CNTNAP2: variants seen among roughly 807,000 people sequenced by gnomAD.
CNTNAP2 encodes contactin associated protein 2.
A neutral mutation model predicts 155.2 loss-of-function variants in CNTNAP2; 98 were observed. The observed-to-expected ratio is 0.63, with a 90% confidence interval of 0.54 to 0.75. The LOEUF (loss-of-function observed/expected upper bound fraction) is 0.75, where lower values mean the gene tolerates loss of function less well. Ranked by LOEUF, CNTNAP2 falls within the 30% of genes least tolerant of loss-of-function variation. The pLI, the probability that CNTNAP2 is intolerant of heterozygous loss-of-function variation, is 0.00. For synonymous variants in CNTNAP2, 651 were observed against 631.2 expected (o/e 1.03, Z -0.47); for missense variants, 1,727 against 1,688.1 (o/e 1.02, Z -0.40).
At chr7:146,393,823 A>G (rs557825297) in intron 1 of CNTNAP2, among the ~76,000 whole-genome samples, 10 of 152,260 alleles carry the variant, frequency 6.6e-5, no homozygotes, top group African/African-American at 1.9e-4. Flanking sequence ...ATTAAATATA[A>G]TCATTTAAAG....
At chr7:146,932,298 A>G (rs1219381109) in intron 3 of CNTNAP2, among the ~76,000 whole-genome samples, 3 of 151,824 alleles carry the variant, frequency 2.0e-5, no homozygotes, top group Non-Finnish European at 2.9e-5. Context: ...AAATCAATAA[A>G]TGTAATCCAG....
intron 14 of CNTNAP2, among the ~76,000 whole-genome samples, chr7:147,926,824 A>G (rs1252563104): frequency 6.6e-6 from 1 of 152,210 alleles, no homozygotes; most frequent in Non-Finnish European, 1.5e-5. Context: ...TCAGGTGATA[A>G]TACAATGGAG....
In CNTNAP2 at chr7:148,288,968, A is replaced by AAG. The variant is rs1554412593; in HGVS notation, c.3475+21848_3475+21849dup. On this transcript the variant is annotated intron_variant, in intron 21 of 23. Coordinates refer to ENST00000361727, the MANE Select transcript of CNTNAP2 (RefSeq NM_014141.6). Reference sequence around the variant, plus strand: ...GCAAAAAAAAAAAAAAAAAAAAAAAAAGAGAGAAAAACCCACTTTGTATAT... The same window carrying AAG: ...GCAAAAAAAAAAAAAAAAAAAAAAAAAGAGAGAGAAAAACCCACTTTGTATAT... Among the ~76,000 whole-genome samples, 298 of 133,186 alleles carry AAG rather than the reference A, an allele frequency of 2.2e-3. 2 individuals carry two copies. Among genetic ancestry groups the AAG allele is most frequent in the Middle Eastern group, 7.7e-3 (2 of 260 alleles). The allele number at this position is 133,186 out of a possible 152,430, so 87.4% of individuals were successfully genotyped here. A position where few individuals can be genotyped will look rare whatever the true frequency, so the allele number is the denominator to read the frequency against.
rs569343030 is a variant in CNTNAP2 at position 147,641,334 on chromosome 7, G to T, written c.2098+2028G>T. Among the ~76,000 whole-genome samples, 189 of 152,192 alleles carry T rather than the reference G, an allele frequency of 1.2e-3. 1 individual carries two copies. The highest frequency in any genetic ancestry group is 2.0e-3 in the Non-Finnish European group (134 of 68,040). ...GACAGAGTACCCTCTAAGAAATAAG[G>T]TTGGAAAGGAGGGTGGGAGTAAACT... On this transcript the variant is annotated intron_variant, in intron 13 of 23. Transcript: ENST00000361727.
At chr7:146,948,939 G>A (rs1224396917) in intron 3 of CNTNAP2, among the ~76,000 whole-genome samples, 1 of 152,138 alleles carries the variant, frequency 6.6e-6, no homozygotes, top group African/African-American at 2.4e-5. Context: ...AACATTACTA[G>A]GCTTTAGGGG....
intron 13 of CNTNAP2, among the ~76,000 whole-genome samples, chr7:147,671,040 T>G (rs1347111090): frequency 6.6e-6 from 1 of 152,230 alleles, no homozygotes. Context: ...CCAAAAGCAC[T>G]GGCTCTCGGC....
At chr7:147,439,747 T>C (rs1304742930) in intron 10 of CNTNAP2, among the ~76,000 whole-genome samples, 1 of 152,084 alleles carries the variant, frequency 6.6e-6, no homozygotes, top group East Asian at 1.9e-4. Context: ...ATTTGCTTTA[T>C]ATATCTGGGT....
chr7:148,367,317 C>G (rs1407885547), intron 21 of CNTNAP2, among the ~76,000 whole-genome samples: 1 of 151,918 alleles, frequency 6.6e-6, no homozygotes, highest in African/African-American at 2.4e-5. Context: ...CACAGTACTT[C>G]CAGGGACCCA....
At chr7:146,386,771 T>A (rs756217187) in intron 1 of CNTNAP2, among the ~76,000 whole-genome samples, 19 of 152,226 alleles carry the variant, frequency 1.2e-4, no homozygotes, top group Non-Finnish European at 2.8e-4. Flanking sequence ...TCTGTATCAT[T>A]AGTTCTTTTC....
At position 147,654,401 on chromosome 7, in the gene CNTNAP2, CCTT is replaced by C. The variant is rs993733545; in HGVS notation, c.2098+15098_2098+15100del. 3.3e-5 allele frequency among the ~76,000 whole-genome samples: 5 copies of C among 152,334 alleles called. No individual in the cohort carries two copies. The East Asian group carries it at 9.6e-4, about 29-fold the overall frequency. On this transcript the variant is annotated intron_variant, in intron 13 of 23. Transcript: ENST00000361727. ...AATCAATGGCAATGATTTGTCTCCTCCTTCTATCCCTGAGCAATTTCTTATTCT... is the reference window on the plus strand; with the variant it reads ...AATCAATGGCAATGATTTGTCTCCTCCTATCCCTGAGCAATTTCTTATTCT...
chr7:147,367,334 G>A (rs1796250274), intron 9 of CNTNAP2, among the ~76,000 whole-genome samples: 1 of 152,262 alleles, frequency 6.6e-6, no homozygotes, highest in Admixed American at 6.5e-5. Context: ...GAAAACGAGT[G>A]TTTGGCAGCT....
At chr7:148,247,595 T>TTCTCTCTCTC (rs140317251) in intron 20 of CNTNAP2, among the ~76,000 whole-genome samples, 7 of 132,970 alleles carry the variant, frequency 5.3e-5, no homozygotes, top group African/African-American at 1.8e-4. Flanking sequence ...GCTTCTCCCA[T>TTCTCTCTCTC]TCTCTCTCTC....
intron 1 of CNTNAP2, among the ~76,000 whole-genome samples, chr7:146,472,796 G>A (rs1354142127): frequency 6.6e-6 from 1 of 151,886 alleles, no homozygotes; most frequent in Admixed American, 6.6e-5. Context: ...AGTCGAATTA[G>A]TTTGAGCAGA....
chr7:147,560,117 G>A (rs968314617), intron 11 of CNTNAP2, among the ~76,000 whole-genome samples: 6 of 133,062 alleles, frequency 4.5e-5, no homozygotes, highest in East Asian at 2.4e-4. Context: ...GTGGTGAGCC[G>A]AGATCGCGCC....
chr7:147,870,576 G>T (rs1052700191), intron 13 of CNTNAP2, among the ~76,000 whole-genome samples: 1 of 152,176 alleles, frequency 6.6e-6, no homozygotes, highest in Admixed American at 6.5e-5. Flanking sequence ...AAACCTTGTG[G>T]CAGAGAAAAC....
At chr7:147,329,281 A>G (rs921248221) in intron 9 of CNTNAP2, among the ~76,000 whole-genome samples, 3 of 152,152 alleles carry the variant, frequency 2.0e-5, no homozygotes, top group Non-Finnish European at 2.9e-5. Context: ...CTTACACATT[A>G]TAAAAATGTA....
At chr7:146,738,741 A>G (rs1245306149) in intron 1 of CNTNAP2, among the ~76,000 whole-genome samples, 3 of 151,312 alleles carry the variant, frequency 2.0e-5, no homozygotes, top group Non-Finnish European at 3.0e-5. Flanking sequence ...TGAATATTCA[A>G]TTTTCCAAAC....
chr7:146,238,428 G>A (rs556943231), intron 1 of CNTNAP2, among the ~76,000 whole-genome samples: 1 of 152,240 alleles, frequency 6.6e-6, no homozygotes, highest in East Asian at 1.9e-4. Flanking sequence ...GTTGGAATGA[G>A]AGCAGGAAAA....
chr7:146,254,962 C>A (rs1799815621), intron 1 of CNTNAP2, among the ~76,000 whole-genome samples: 1 of 151,742 alleles, frequency 6.6e-6, no homozygotes, highest in African/African-American at 2.4e-5. Flanking sequence ...GTTATATAAA[C>A]ACCACATTTC....
Sources: allele counts gnomAD v4.1 joint callset (sites outside exome capture counted in the v4.1 genomes callset), GRCh38; gene constraint gnomAD v4.1.1; transcripts MANE v1.5; gene names NCBI Gene and HGNC (gene_info 2026-07-23, HGNC 2026-07-21).